The following KAT2B variants were observed in gnomAD, a reference collection of about 807,000 sequenced individuals.
KAT2B encodes the protein histone acetyltransferase KAT2B.
In KAT2B, 36 loss-of-function variants were observed where a neutral mutation model predicts 105.9. That is an observed-to-expected ratio of 0.34 (90% CI 0.26 to 0.45). The LOEUF is 0.45. KAT2B is among the 20% of genes least tolerant of loss of function. The pLI is 1.00. For missense variants in KAT2B, 820 were observed against 1,021.6 expected (o/e 0.80, Z 2.69); for synonymous variants, 397 against 377.9 (o/e 1.05, Z -0.59).
intron 8 of KAT2B, among the ~76,000 whole-genome samples, chr3:20,120,344 C>T (rs1169946320): frequency 1.3e-5 from 2 of 152,140 alleles, no homozygotes; most frequent in African/African-American, 4.8e-5. Context: ...TCTCCTGCCT[C>T]AGTCTCCTGA....
intron 1 of KAT2B, among the ~76,000 whole-genome samples, chr3:20,068,144 G>T (rs973549480): frequency 6.6e-6 from 1 of 151,040 alleles, no homozygotes; most frequent in African/African-American, 2.4e-5. Flanking sequence ...TTACAGGTGT[G>T]CACCACCATG....
At chr3:20,072,650 G>C (rs542928956) in intron 2 of KAT2B, among the ~76,000 whole-genome samples, 191 bp downstream of exon 2, 5 of 152,232 alleles carry the variant, frequency 3.3e-5, no homozygotes, top group Non-Finnish European at 5.9e-5. Flanking sequence ...TGCACTGTGT[G>C]CAGTGACTTT....
At chr3:20,080,701 A>G (rs1342174789) in intron 2 of KAT2B, among the ~76,000 whole-genome samples, 1 of 152,200 alleles carries the variant, frequency 6.6e-6, no homozygotes. Context: ...GCCACTAGCC[A>G]TGTGTGGCTA....
At chr3:20,143,661 A>G (rs1428673538) in intron 13 of KAT2B, among the ~76,000 whole-genome samples, 1 of 152,364 alleles carries the variant, frequency 6.6e-6, no homozygotes, top group Non-Finnish European at 1.5e-5. Context: ...GATTGGATAA[A>G]GAAAATGTAG....
chr3:20,127,383 C>G lies in KAT2B; in HGVS notation c.1623-40C>G, dbSNP rs41285061. 0.14 allele frequency: 213,456 copies of G among 1,568,894 alleles called. 15,721 individuals are homozygous for G. The highest frequency in any genetic ancestry group is 0.18 in the Admixed American group (10,774 of 59,408). ...CACCCCAAAAAGTATATTTATATAA[C>G]TAGGATAGGTAAAACTTTGACATAA... On this transcript the variant is annotated intron_variant, in intron 10 of 17. Transcript: ENST00000263754.
chr3:20,057,625 A>G (rs1698023532), intron 1 of KAT2B, among the ~76,000 whole-genome samples: 1 of 152,174 alleles, frequency 6.6e-6, no homozygotes, highest in African/African-American at 2.4e-5. Context: ...GTGTGTGTGT[A>G]TTAAATGGAA....
At chr3:20,131,438 C>G (rs1399604453) in intron 11 of KAT2B, among the ~76,000 whole-genome samples, 1 of 152,202 alleles carries the variant, frequency 6.6e-6, no homozygotes, top group African/African-American at 2.4e-5. Context: ...TTGCTGAGCT[C>G]TGCCAACCCA....
chr3:20,069,901 A>G (rs1007357142), intron 1 of KAT2B, among the ~76,000 whole-genome samples: 2 of 152,140 alleles, frequency 1.3e-5, no homozygotes, highest in African/African-American at 2.4e-5. Context: ...ATATTCTCCT[A>G]TTCACTGTCT....
intron 3 of KAT2B, 48 bp from the exon 4 acceptor site, chr3:20,099,814 A>G (rs749261627): frequency 6.4e-6 from 6 of 939,634 alleles, no homozygotes; most frequent in Middle Eastern, 2.7e-4. Flanking sequence ...AGAGATAGAC[A>G]TACCAATTAA....
rs770391112 is a variant in KAT2B, at chr3:20,101,267, T to C, written c.670-20T>C. On this transcript the variant is annotated intron_variant, in intron 4 of 17. Coordinates refer to ENST00000263754, the MANE Select transcript of KAT2B (RefSeq NM_003884.5). ...ATGATTGCATAGCTGCATGAAGAAA[T>C]TGCCTTCCCTCTTTTTAAGGGTGTG... 11 of 1,609,010 alleles carry C rather than the reference T, an allele frequency of 6.8e-6. No individual in the cohort carries two copies. The highest frequency in any genetic ancestry group is 1.1e-5 in the South Asian group (1 of 90,918).
chr3:20,120,634 C>G (rs1699291763), intron 8 of KAT2B, among the ~76,000 whole-genome samples: 1 of 152,098 alleles, frequency 6.6e-6, no homozygotes, highest in Non-Finnish European at 1.5e-5. Flanking sequence ...GGAATAACTG[C>G]AAAGTCACAT....
chr3:20,052,212 C>T (rs774206732), intron 1 of KAT2B, among the ~76,000 whole-genome samples: 9 of 152,196 alleles, frequency 5.9e-5, no homozygotes, highest in Non-Finnish European at 1.3e-4. Context: ...TAGCAGCACC[C>T]CATCTATCAC....
At chr3:20,064,347 T>A (rs1698189847) in intron 1 of KAT2B, among the ~76,000 whole-genome samples, 1 of 152,232 alleles carries the variant, frequency 6.6e-6, no homozygotes, top group Non-Finnish European at 1.5e-5. Flanking sequence ...TTCTTTGTGA[T>A]GAGAACATTC....
intron 9 of KAT2B, chr3:20,123,018 T>A: frequency 1.1e-6 from 1 of 900,738 alleles, no homozygotes. Flanking sequence ...CACTTACTAA[T>A]AATCTCACAG....
chr3:20,114,843 G>A, intron 6 of KAT2B, 39 bp from the exon 7 acceptor site: 1 of 1,148,174 alleles, frequency 8.7e-7, no homozygotes, highest in Middle Eastern at 2.0e-4. Flanking sequence ...CCTTACAGTA[G>A]TTTTTTTTTA....
intron 2 of KAT2B, among the ~76,000 whole-genome samples, chr3:20,085,327 G>A (rs1401213476): frequency 1.3e-5 from 2 of 152,128 alleles, no homozygotes; most frequent in African/African-American, 4.8e-5. Flanking sequence ...TTGACCTCAA[G>A]GAAAATTTTG....
intron 2 of KAT2B, 28 bp from the exon 3 acceptor site, chr3:20,095,234 TA>T: frequency 6.3e-7 from 1 of 1,595,338 alleles, no homozygotes; most frequent in South Asian, 1.1e-5. Flanking sequence ...ATTGAGGTCT[TA>T]CATATGTTTC....
intron 2 of KAT2B, among the ~76,000 whole-genome samples, chr3:20,078,017 A>C (rs1170788295): frequency 6.6e-6 from 1 of 152,102 alleles, no homozygotes; most frequent in Admixed American, 6.6e-5. Context: ...TCTACAAAAA[A>C]TACAAAAATC....
chr3:20,130,904 G>A (rs1010583203), intron 11 of KAT2B, among the ~76,000 whole-genome samples: 4 of 149,838 alleles, frequency 2.7e-5, no homozygotes, highest in South Asian at 2.1e-4. Flanking sequence ...TGGTAAGAAC[G>A]TGTGTGTGTG....
Sources: gnomAD v4.1 joint callset for allele counts (sites outside exome capture counted in the v4.1 genomes callset) on GRCh38, gnomAD v4.1.1 for gene constraint, MANE v1.5 for transcripts, NCBI Gene and HGNC (gene_info 2026-07-23, HGNC 2026-07-21) for gene names.